AGBL5: variants seen among roughly 807,000 people sequenced by gnomAD.
The protein encoded by AGBL5 is AGBL carboxypeptidase 5.
AGBL5 carries 51 observed loss-of-function variants against 88.0 expected under a neutral mutation model. The observed-to-expected ratio is 0.58, with a 90% CI of 0.46 to 0.73. AGBL5 has a LOEUF of 0.73. Among genes scored for constraint, AGBL5 ranks in the 30% least tolerant of loss-of-function variants. AGBL5 has a pLI of 0.00. For synonymous variants in AGBL5, 446 were observed against 438.8 expected (o/e 1.02, Z -0.21); for missense variants, 1,031 against 1,162.2 (o/e 0.89, Z 1.64).
intron 4 of AGBL5, 54 bp from the exon 5 acceptor site, chr2:27,054,576 C>A: frequency 6.4e-7 from 1 of 1,551,066 alleles, no homozygotes; most frequent in Middle Eastern, 1.7e-4. Flanking sequence ...ACAAGGCCTA[C>A]CTCTTACTAG....
intron 11 of AGBL5, among the ~76,000 whole-genome samples, chr2:27,064,497 T>C (rs1668879362): frequency 6.6e-6 from 1 of 151,640 alleles, no homozygotes; most frequent in African/African-American, 2.4e-5. Context: ...AGATGGGGTT[T>C]CACCAAGTTG....
At chr2:27,054,378 T>C (rs1444983014) in intron 4 of AGBL5, 3 of 559,050 alleles carry the variant, frequency 5.4e-6, no homozygotes, top group Non-Finnish European at 9.4e-6. Context: ...GGAGAACAAC[T>C]CCGACTACAT....
intron 8 of AGBL5, 188 bp from the exon 9 acceptor site, chr2:27,057,115 T>C (rs1668472489): frequency 6.5e-6 from 4 of 619,964 alleles, no homozygotes; most frequent in South Asian, 2.3e-5. Flanking sequence ...GGACTCTACC[T>C]TGGGGGGACT....
chr2:27,058,419 T>C lies in AGBL5; in HGVS notation c.1691T>C (p.Ile564Thr), dbSNP rs1173065095. The C allele has an allele frequency of 7.4e-6, 12 of 1,613,158 alleles. No homozygotes were observed. The highest frequency in any genetic ancestry group is 6.7e-5 in the East Asian group (3 of 44,900). Reference sequence around the variant, plus strand: ...CCACAGGTGGGACGAGCTATGGCCATTGCAGCCCTGGACATGGCGGAATGT... The same window carrying C: ...CCACAGGTGGGACGAGCTATGGCCACTGCAGCCCTGGACATGGCGGAATGT... ...LFEQVGRAMA[I>T]AALDMAECNP... The change falls in exon 10 of 15, where the codon ATT (isoleucine) becomes ACT (threonine). Residue 564 changes from isoleucine (I) to threonine (T), a missense_variant. Physicochemically the swap from Ile to Thr is moderately conservative, Grantham distance 89 (BLOSUM62 -1). Around this residue, in one of 2 missense-constraint regions of AGBL5, gnomAD observed 491 missense variants for 484.0 expected, o/e 1.01. Transcript: ENST00000360131.
At chr2:27,062,728 G>A (rs540044285) in intron 11 of AGBL5, 1 of 152,346 alleles carries the variant, frequency 6.6e-6, no homozygotes, top group African/African-American at 2.4e-5. Flanking sequence ...GTTCAGTTAA[G>A]AAATAATTTG....
intron 6 of AGBL5, 140 bp from the exon 7 acceptor site, chr2:27,055,542 C>G (rs1668382943): frequency 1.1e-6 from 1 of 891,346 alleles, no homozygotes; most frequent in Non-Finnish European, 1.7e-6. Context: ...GAGGCCCTGT[C>G]TTCAATTCTT....
rs370611426 is a variant in AGBL5, at chr2:27,055,530, G to C, written c.909-152G>C. ...ATGGTAAGGGTGACAGCAGATCAAA[G>C]AGAGGCCCTGTCTTCAATTCTTTCT... is the stretch of plus-strand genomic sequence containing the variant. On this transcript the variant is annotated intron_variant, in intron 6 of 14. Transcript: ENST00000360131. 8.3e-6 allele frequency: 7 copies of C among 847,770 alleles called. No individual in the cohort carries two copies. The South Asian group carries it at 1.1e-4, about 13-fold the overall frequency. The allele number at this position is 847,770 out of a possible 1,614,324, so 52.5% of individuals were successfully genotyped here.
Position 27,053,463 on chromosome 2 carries a change from A to G in AGBL5, c.277A>G (p.Met93Val). The change falls in exon 3 of 15, where the codon ATG (methionine) becomes GTG (valine). Residue 93 changes from methionine to valine, a missense_variant. By Grantham distance (21) the Met-to-Val change is conservative. Transcript: ENST00000360131. The surrounding 1 kb of genome is among the most constrained non-coding windows in gnomAD (Gnocchi z 4.9). ...AGGAAAACTCATCAAGATCAACATTATGAACATGAACAAGCAGAGCAAGCT... is the reference window on the plus strand; with the variant it reads ...AGGAAAACTCATCAAGATCAACATTGTGAACATGAACAAGCAGAGCAAGCT... ...MPGKLIKINI[M>V]NMNKQSKLYS... 6.2e-7 allele frequency: 1 copy of G among 1,614,132 alleles called. No individual in the cohort carries two copies. The highest frequency in any genetic ancestry group is 1.1e-5 in the South Asian group (1 of 91,082).
Position 27,058,077 on chromosome 2 carries a change from CAAA to C in AGBL5, c.1672-311_1672-309del, listed in dbSNP as rs371762935. ...TGGGCAATAGATCAAGATGCCGTCT[CAAA>C]AAAAAAAAAAAGTAGATCTGTAGGT... On this transcript the variant is annotated intron_variant, in intron 9 of 14. Transcript: ENST00000360131. Among the ~76,000 whole-genome samples the C allele has an allele frequency of 1.4e-3, 178 of 127,106 alleles. 1 individual carries two copies. The highest frequency in any genetic ancestry group is 4.7e-3 in the African/African-American group (164 of 34,548). The allele number at this position is 127,106 out of a possible 152,430, so 83.4% of individuals were successfully genotyped here. A position where few individuals can be genotyped will look rare whatever the true frequency, so the allele number is the denominator to read the frequency against.
chr2:27,056,860 G>A (rs1204906142), intron 8 of AGBL5, 68 bp downstream of exon 8: 6 of 1,479,434 alleles, frequency 4.1e-6, no homozygotes, highest in Admixed American at 1.9e-5. Context: ...GCTGGGTGTG[G>A]TGGTGCATGC....
chr2:27,070,117 C>A lies in AGBL5; in HGVS notation c.2515C>A (p.Pro839Thr). 6.2e-7 allele frequency: 1 copy of A among 1,614,056 alleles called. No homozygotes were observed. Among genetic ancestry groups the A allele is most frequent in the Non-Finnish European group, 8.5e-7 (1 of 1,179,908 alleles). ...PGLPQARPPRPRSAPAFSPIS... is the reference protein window; with the variant it reads ...PGLPQARPPRTRSAPAFSPIS... ...GCTGCCTCAGGCCAGGCCCCCACGG[C>A]CCCGCTCTGCCCCTGCCTTTTCTCC... Residue 839 changes from proline to threonine, a missense_variant, in exon 15 of 15, where the codon CCC (proline) becomes ACC (threonine). Coordinates refer to ENST00000360131, the MANE Select transcript of AGBL5 (RefSeq NM_021831.6).
intron 4 of AGBL5, 124 bp from the exon 5 acceptor site, chr2:27,054,506 G>A (rs1668330178): frequency 2.3e-6 from 2 of 855,720 alleles, no homozygotes; most frequent in Non-Finnish European, 3.6e-6. Context: ...ACATTGTGAG[G>A]GACTATAAGG....
chr2:27,067,371 TG>T, intron 11 of AGBL5, 122 bp from the exon 12 acceptor site: 2 of 872,050 alleles, frequency 2.3e-6, no homozygotes, highest in Non-Finnish European at 3.6e-6. Flanking sequence ...GAGAGGGATG[TG>T]GGTCTGATGA....
At chr2:27,066,248 A>C (rs997344725) in intron 11 of AGBL5, among the ~76,000 whole-genome samples, 3 of 152,078 alleles carry the variant, frequency 2.0e-5, no homozygotes, top group Non-Finnish European at 4.4e-5. Context: ...AAAAAAAAAA[A>C]AAAAAACCTC....
Position 27,067,502 on chromosome 2 carries a change from A to C in AGBL5, c.2098A>C (p.Ser700Arg). 6.2e-7 allele frequency: 1 copy of C among 1,613,920 alleles called. No homozygotes were observed. Among genetic ancestry groups the C allele is most frequent in the Non-Finnish European group, 8.5e-7 (1 of 1,179,894 alleles). The change falls in exon 12 of 15, where the codon AGC becomes CGC. Residue 700 changes from serine (S) to arginine (R), a missense_variant. Ser to Arg is a moderately radical substitution (Grantham distance 110). Coordinates refer to ENST00000360131, the MANE Select transcript of AGBL5 (RefSeq NM_021831.6). ...GTATCTCTTCCACTCAGAGCCCCGA[A>C]GCCAGGACAGGAGACGGCAGCAGCA... ...RVLGPVREPR[S>R]QDRRRQQQPL...
At chr2:27,068,954 CA>C (rs1224013933) in intron 13 of AGBL5, 32 of 1,494,428 alleles carry the variant, frequency 2.1e-5, no homozygotes, top group African/African-American at 2.8e-5. Context: ...TGCTTGCTTT[CA>C]ACCTGTGTCC....
At chr2:27,052,884 TCCTTAA>T in intron 1 of AGBL5, 23 bp from the exon 2 acceptor site, 1 of 1,352,198 alleles carries the variant, frequency 7.4e-7, no homozygotes. Context: ...TTCCCTTTCC[TCCTTAA>T]CCTAACCCTT....
rs1217318695 is a variant in AGBL5, at chr2:27,053,108, T to G, written c.150T>G (p.Pro50=). Reference sequence around the variant, plus strand: ...TGACCAGTGGCATTGCCTCTTCCCCTGACTATGAATTCAACGTGTGGACCC... The same window carrying G: ...TGACCAGTGGCATTGCCTCTTCCCCGGACTATGAATTCAACGTGTGGACCC... ...SALTSGIASS[P]DYEFNVWTRP... Residue 50 remains proline, a synonymous_variant, in exon 2 of 15, where the codon CCT becomes CCG. Coordinates refer to ENST00000360131, the MANE Select transcript of AGBL5 (RefSeq NM_021831.6). This position sits in a 1 kb window ranked among gnomAD's most constrained non-coding sequence, Gnocchi z 4.9. 1.2e-6 allele frequency: 2 copies of G among 1,612,794 alleles called. No individual in the cohort carries two copies. Among genetic ancestry groups the G allele is most frequent in the Non-Finnish European group, 1.7e-6 (2 of 1,179,260 alleles).
At chr2:27,065,148 T>C (rs943171761) in intron 11 of AGBL5, among the ~76,000 whole-genome samples, 2 of 152,108 alleles carry the variant, frequency 1.3e-5, no homozygotes, top group African/African-American at 4.8e-5. Flanking sequence ...AGTTAGAGGA[T>C]TTTCATATCC....
Sources: gnomAD v4.1 joint callset for allele counts (sites outside exome capture counted in the v4.1 genomes callset) on GRCh38, gnomAD v4.1.1 for gene constraint, gnomAD v4.1.1 regional missense constraint, Gnocchi (gnomAD v3.1) non-coding constraint, MANE v1.5 for transcripts, NCBI Gene and HGNC (gene_info 2026-07-23, HGNC 2026-07-21) for gene names.